COL6A3: variants seen among roughly 807,000 people sequenced by gnomAD.
COL6A3 encodes the protein collagen alpha-3(VI) chain.
A neutral mutation model predicts 274.1 loss-of-function variants in COL6A3; 137 were observed. That is an observed-to-expected ratio of 0.50 (90% CI 0.44 to 0.58). COL6A3 has a LOEUF of 0.58. COL6A3 is among the 20% of genes least tolerant of loss of function. COL6A3 has a pLI of 0.00. For synonymous variants in COL6A3, 1,650 were observed against 1,650.6 expected (o/e 1.00, Z 0.01); for missense variants, 3,950 against 4,124.9 (o/e 0.96, Z 1.16).
In COL6A3 at chr2:237,340,932, C is replaced by A; in HGVS notation, c.7984G>T (p.Ala2662Ser). 1 of 1,613,330 alleles carries A rather than the reference C, an allele frequency of 6.2e-7. No homozygotes were observed. The highest frequency in any genetic ancestry group is 8.5e-7 in the Non-Finnish European group (1 of 1,179,412). Residue 2662 changes from alanine to serine, a missense_variant, in exon 38 of 44, where the codon GCC becomes TCC. By Grantham distance (99) the Ala-to-Ser change is moderately conservative. This residue lies in a region of COL6A3 where 1,284 missense variants were observed against 1,349.7 expected (regional missense o/e 0.95). Coordinates refer to ENST00000295550, the MANE Select transcript of COL6A3 (RefSeq NM_004369.4). The part of the protein sequence containing the change: ...SPDPKASQHF[A>S]RVAVVQHAPS... ...GCGTGCTGCACAACTGCCACTCTGG[C>A]GAAGTGCTGGGAGGCCTTGGGATCT...
Position 237,357,387 on chromosome 2 carries a change from ACAC to A in COL6A3, c.6539_6541del (p.Gly2180del), listed in dbSNP as rs894385384. 1 of 1,613,592 alleles carries A rather than the reference ACAC, an allele frequency of 6.2e-7. No homozygotes were observed. Among genetic ancestry groups the A allele is most frequent in the Non-Finnish European group, 8.5e-7 (1 of 1,179,600 alleles). ...TCCAGGTACTCCATCTCTCCCTGGG[ACAC>A]CCTGGTGTGGGGAAAATTAGCATGA... On this transcript the variant is annotated inframe_deletion and splice_region_variant, in exon 23 of 44. Coordinates refer to ENST00000295550, the MANE Select transcript of COL6A3 (RefSeq NM_004369.4).
intron 23 of COL6A3, among the ~76,000 whole-genome samples, chr2:237,356,516 T>C (rs1388902597): frequency 1.3e-5 from 2 of 152,208 alleles, no homozygotes; most frequent in African/African-American, 2.4e-5. Context: ...CAGCGAACTC[T>C]ACTGGCCCAA....
chr2:237,392,738 A>G (rs1188861184), intron 3 of COL6A3, among the ~76,000 whole-genome samples: 2 of 152,182 alleles, frequency 1.3e-5, no homozygotes, highest in Admixed American at 6.5e-5. Flanking sequence ...TAGTTACATT[A>G]TGTTCAGCCT....
intron 1 of COL6A3, among the ~76,000 whole-genome samples, chr2:237,397,079 A>T (rs986177599): frequency 2.0e-5 from 3 of 147,522 alleles, no homozygotes; most frequent in African/African-American, 4.9e-5. Flanking sequence ...AGATACATAC[A>T]TGCGCACATA....
At chr2:237,406,722 G>A (rs1246077115) in intron 1 of COL6A3, among the ~76,000 whole-genome samples, 1 of 152,124 alleles carries the variant, frequency 6.6e-6, no homozygotes, top group African/African-American at 2.4e-5. Flanking sequence ...GATTTATTAA[G>A]TCCTGCAATT....
chr2:237,372,479 G>C (rs2077719061), intron 8 of COL6A3, 142 bp from the exon 9 acceptor site: 2 of 1,502,810 alleles, frequency 1.3e-6, no homozygotes, highest in South Asian at 2.3e-5. Context: ...AGAAGTGGGA[G>C]TCCTGGGCAT....
Position 237,378,962 on chromosome 2 carries a change from C to T in COL6A3, c.2171G>A (p.Ser724Asn), listed in dbSNP as rs1365183263. The T allele has an allele frequency of 6.2e-7, 1 of 1,614,230 alleles. No individual in the cohort carries two copies. Residue 724 changes from serine to asparagine, a missense_variant, in exon 6 of 44, where the codon AGC becomes AAC. By Grantham distance (46) the Ser-to-Asn change is conservative. Around this residue, in one of 5 missense-constraint regions of COL6A3, gnomAD observed 1,934 missense variants for 1,984.3 expected, o/e 0.97. Transcript: ENST00000295550. Reference sequence around the variant, plus strand: ...CGTGAAGTGGTTGGCATAGACATAGCTTAGGGCTGAGCCTGTGTTCAGGCC... The same window carrying T: ...CGTGAAGTGGTTGGCATAGACATAGTTTAGGGCTGAGCCTGTGTTCAGGCC... ...GSGLNTGSAL[S>N]YVYANHFTEA...
chr2:237,409,743 A>G (rs1346880244), intron 1 of COL6A3, among the ~76,000 whole-genome samples: 1 of 152,206 alleles, frequency 6.6e-6, no homozygotes, highest in Non-Finnish European at 1.5e-5. Context: ...TATTAGGGGA[A>G]AGTATCAAAG....
In COL6A3 at chr2:237,371,703, A is replaced by C; in HGVS notation, c.4285+29T>G. ...TTATTTTTCATATGGAAAATGCTCC[A>C]AGGAGAACCTCCGACGCCCCCATCT... On this transcript the variant is annotated intron_variant, in intron 9 of 43. Coordinates refer to ENST00000295550, the MANE Select transcript of COL6A3 (RefSeq NM_004369.4). The surrounding 1 kb of genome is among the most constrained non-coding windows in gnomAD (Gnocchi z 4.3). The C allele has an allele frequency of 6.4e-7, 1 of 1,556,944 alleles. No homozygotes were observed. Among genetic ancestry groups the C allele is most frequent in the Non-Finnish European group, 8.7e-7 (1 of 1,153,162 alleles).
At chr2:237,334,507 G>A (rs1700428782) in intron 41 of COL6A3, 119 bp downstream of exon 41, 1 of 1,136,074 alleles carries the variant, frequency 8.8e-7, no homozygotes, top group Non-Finnish European at 1.3e-6. Context: ...TGTTGCTGTT[G>A]TTGTTTTTTG....
At chr2:237,333,401 T>C (rs752095680) in intron 42 of COL6A3, 49 bp downstream of exon 42, 9 of 1,527,966 alleles carry the variant, frequency 5.9e-6, no homozygotes, top group African/African-American at 1.4e-5. Flanking sequence ...GGAATCAAGA[T>C]GGGTATTTTC....
chr2:237,376,901 C>A lies in COL6A3; in HGVS notation c.2941G>T (p.Ala981Ser). The stretch of plus-strand genomic sequence containing the variant: ...GACAGCACGATCTGCTCTAACTCAG[C>A]AGGGTCTGCGTTCTTGGCTTGGAAG... ...FIFQAKNADPAELEQIVLSPA... is the reference protein window; with the variant it reads ...FIFQAKNADPSELEQIVLSPA... The change falls in exon 7 of 44, where the codon GCT becomes TCT. Residue 981 changes from alanine (A) to serine (S), a missense_variant. Coordinates refer to ENST00000295550, the MANE Select transcript of COL6A3 (RefSeq NM_004369.4). 1 of 1,614,234 alleles carries A rather than the reference C, an allele frequency of 6.2e-7. No individual in the cohort carries two copies. Among genetic ancestry groups the A allele is most frequent in the Non-Finnish European group, 8.5e-7 (1 of 1,180,040 alleles).
chr2:237,332,281 A>G (rs1321779356), intron 42 of COL6A3, among the ~76,000 whole-genome samples: 1 of 151,268 alleles, frequency 6.6e-6, no homozygotes, highest in South Asian at 2.1e-4. Context: ...TTGATCTCTG[A>G]TCTCTAGTTT....
rs79375816 is a variant in COL6A3 at position 237,359,381 on chromosome 2, C to A, written c.6290G>T (p.Arg2097Leu). 1 of 1,613,816 alleles carries A rather than the reference C, an allele frequency of 6.2e-7. No homozygotes were observed. Among genetic ancestry groups the A allele is most frequent in the Non-Finnish European group, 8.5e-7 (1 of 1,179,938 alleles). The stretch of plus-strand genomic sequence containing the variant: ...GCATACCTTCTCTCCTGGGAATCCC[C>A]GAGAGCCCTAGAAGGCAAGGCGATA... ...CPGQRGVKGSRGFPGEKGEVG... is the reference protein window; with the variant it reads ...CPGQRGVKGSLGFPGEKGEVG... Residue 2097 changes from arginine (R) to leucine (L), a missense_variant, in exon 18 of 44, where the codon CGG becomes CTG. Arg to Leu is a moderately radical substitution (Grantham distance 102). Coordinates refer to ENST00000295550, the MANE Select transcript of COL6A3 (RefSeq NM_004369.4).
chr2:237,373,080 T>C (rs1325745595), intron 8 of COL6A3, among the ~76,000 whole-genome samples: 2 of 151,654 alleles, frequency 1.3e-5, no homozygotes, highest in African/African-American at 4.9e-5. Context: ...CAGCTGAGAG[T>C]CAGGTGGGTC....
At chr2:237,338,899 G>C in intron 39 of COL6A3, 116 bp downstream of exon 39, 1 of 764,762 alleles carries the variant, frequency 1.3e-6, no homozygotes, top group Non-Finnish European at 2.3e-6. Context: ...TTACCTTTGG[G>C]AAGTCACATT....
intron 1 of COL6A3, among the ~76,000 whole-genome samples, chr2:237,399,387 G>C (rs1056380473): frequency 1.3e-5 from 2 of 152,164 alleles, no homozygotes; most frequent in East Asian, 1.9e-4. Context: ...AGCCCTCTGT[G>C]AGGAGCATGT....
In COL6A3 at chr2:237,333,505, A is replaced by G. The variant is rs1700373112; in HGVS notation, c.9273T>C (p.Ser3091=). The G allele has an allele frequency of 6.2e-7, 1 of 1,614,122 alleles. No homozygotes were observed. The highest frequency in any genetic ancestry group is 1.7e-5 in the Admixed American group (1 of 60,008). The change falls in exon 42 of 44, where the codon TCT becomes TCC. Residue 3091 remains serine (S), a synonymous_variant. Transcript: ENST00000295550. Reference sequence around the variant, plus strand: ...TCACCATTAGATTGATGGTTGAACTAGAAGCTGACCTTGCTGGCTGTGGAG... The same window carrying G: ...TCACCATTAGATTGATGGTTGAACTGGAAGCTGACCTTGCTGGCTGTGGAG... ...PPPPQPARSA[S]SSTINLMVST...
Position 237,361,427 on chromosome 2 carries a change from G to A in COL6A3, c.6157-253C>T, listed in dbSNP as rs1183136966. Among the ~76,000 whole-genome samples the A allele has an allele frequency of 2.0e-5, 3 of 152,186 alleles. No homozygotes were observed. Among genetic ancestry groups the A allele is most frequent in the Non-Finnish European group, 4.4e-5 (3 of 68,034 alleles). Reference sequence around the variant, plus strand: ...ATGCTATGAGTTCCAGCTGCCATTCGCAGCCAGGCTGCTGTCAGGGACGCC... The same window carrying A: ...ATGCTATGAGTTCCAGCTGCCATTCACAGCCAGGCTGCTGTCAGGGACGCC... On this transcript the variant is annotated intron_variant, in intron 15 of 43. Coordinates refer to ENST00000295550, the MANE Select transcript of COL6A3 (RefSeq NM_004369.4). This position sits in a 1 kb window ranked among gnomAD's most constrained non-coding sequence, Gnocchi z 5.1.
Sources: gnomAD v4.1 joint callset for allele counts (sites outside exome capture counted in the v4.1 genomes callset) on GRCh38, gnomAD v4.1.1 for gene constraint, gnomAD v4.1.1 regional missense constraint, Gnocchi (gnomAD v3.1) non-coding constraint, MANE v1.5 for transcripts, NCBI Gene and HGNC (gene_info 2026-07-23, HGNC 2026-07-21) for gene names.